Variants in FOXP2 observed in about 807,000 individuals in gnomAD.
The protein encoded by FOXP2 is forkhead box protein P2.
A neutral mutation model predicts 115.8 loss-of-function variants in FOXP2; 12 were observed. The ratio of observed to expected loss-of-function variants is 0.10; its 90% CI spans 0.07 to 0.17. FOXP2 has a LOEUF of 0.17. Among genes scored for constraint, FOXP2 ranks in the 10% least tolerant of loss-of-function variants. The probability of loss-of-function intolerance (pLI) is 1.00; values close to 1 mark genes in which losing one functional copy is unlikely to be tolerated. For missense variants in FOXP2, 629 were observed against 843.5 expected, an observed-to-expected ratio of 0.75 and a Z score of 3.15; for synonymous variants, 328 against 297.7, an observed-to-expected ratio of 1.10 and a Z score of -1.05.
At chr7:114,134,024 T>A (rs1562975449) in intron 1 of FOXP2, among the ~76,000 whole-genome samples, 1 of 152,268 alleles carries the variant, frequency 6.6e-6, no homozygotes, top group Non-Finnish European at 1.5e-5. Context: ...TTGAGAAATA[T>A]GGCAAGTGAG....
chr7:114,150,062 A>G (rs1792490443), intron 1 of FOXP2, among the ~76,000 whole-genome samples: 1 of 152,118 alleles, frequency 6.6e-6, no homozygotes, highest in Non-Finnish European at 1.5e-5. Context: ...AAGATTGACT[A>G]GATATATTAA....
chr7:114,306,272 G>A (rs745873057), intron 2 of FOXP2, among the ~76,000 whole-genome samples: 3 of 152,098 alleles, frequency 2.0e-5, no homozygotes, highest in South Asian at 2.1e-4. Context: ...AGCACAGCAA[G>A]CCACATGAAC....
intron 1 of FOXP2, among the ~76,000 whole-genome samples, chr7:114,102,184 T>C (rs1203716379): frequency 1.3e-5 from 2 of 152,112 alleles, no homozygotes; most frequent in Non-Finnish European, 2.9e-5. Flanking sequence ...TGAAGAATGC[T>C]TGTATAACTC....
intron 3 of FOXP2, among the ~76,000 whole-genome samples, chr7:114,550,112 C>CTTTTTTTTTTTTTTTT (rs941573098): frequency 9.7e-6 from 1 of 103,302 alleles, no homozygotes; most frequent in Non-Finnish European, 2.0e-5. Context: ...CCTTTCTTTT[C>CTTTTTTTTTTTTTTTT]TTTTTTTTTT....
At chr7:114,648,414 A>G (rs1163441367) in intron 8 of FOXP2, among the ~76,000 whole-genome samples, 5 of 152,102 alleles carry the variant, frequency 3.3e-5, no homozygotes, top group Admixed American at 1.3e-4. Context: ...TGCAAGTGAA[A>G]CATTTTGTTA....
At chr7:114,484,882 A>G (rs1281743543) in intron 2 of FOXP2, among the ~76,000 whole-genome samples, 1 of 151,948 alleles carries the variant, frequency 6.6e-6, no homozygotes, top group African/African-American at 2.4e-5. Context: ...TTTTAATTGT[A>G]CAGAATTTTC....
chr7:114,268,329 A>G (rs1795949330), intron 1 of FOXP2, among the ~76,000 whole-genome samples: 1 of 152,196 alleles, frequency 6.6e-6, no homozygotes, highest in African/African-American at 2.4e-5. Flanking sequence ...TTAAAGTCAT[A>G]ATGTGATTAT....
At chr7:114,493,841 T>A (rs1584805419) in intron 2 of FOXP2, among the ~76,000 whole-genome samples, 1 of 152,044 alleles carries the variant, frequency 6.6e-6, no homozygotes, top group East Asian at 1.9e-4. Context: ...GTGGCCTTTT[T>A]TTTTTTTCTT....
intron 1 of FOXP2, among the ~76,000 whole-genome samples, chr7:114,244,402 C>T (rs565186085): frequency 3.3e-5 from 5 of 152,134 alleles, no homozygotes; most frequent in African/African-American, 1.2e-4. Flanking sequence ...CCTTAAGCTC[C>T]TCTTGGATGG....
upstream of FOXP2, among the ~76,000 whole-genome samples, chr7:114,158,968 G>A (rs1269795632): frequency 2.0e-5 from 3 of 152,110 alleles, no homozygotes; most frequent in African/African-American, 7.2e-5. Context: ...TGAAGGATAA[G>A]GGACCAGAAA....
intron 3 of FOXP2, among the ~76,000 whole-genome samples, chr7:114,574,430 A>G (rs534153712): frequency 2.8e-4 from 42 of 151,906 alleles, no homozygotes; most frequent in African/African-American, 9.9e-4. Flanking sequence ...GAAAAAAAAA[A>G]TCTTCACTTA....
At chr7:114,162,927 G>C (rs1430274101), upstream of FOXP2, 1 of 151,998 alleles carries the variant, frequency 6.6e-6, no homozygotes, top group Non-Finnish European at 1.5e-5. Context: ...TTGATTAAAA[G>C]TATAATTTCC....
intron 3 of FOXP2, among the ~76,000 whole-genome samples, chr7:114,579,554 C>T (rs552157732): frequency 6.4e-4 from 98 of 152,166 alleles, no homozygotes; most frequent in African/African-American, 2.1e-3. Context: ...TACCATATTC[C>T]ATTTTTTTTT....
At chr7:114,285,089 T>A in intron 1 of FOXP2, among the ~76,000 whole-genome samples, 1 of 152,076 alleles carries the variant, frequency 6.6e-6, no homozygotes, top group East Asian at 1.9e-4. Flanking sequence ...CTAGGCTCAA[T>A]ACCTGCATGA....
intron 15 of FOXP2, 105 bp downstream of exon 15, chr7:114,663,624 G>A: frequency 1.1e-6 from 1 of 885,574 alleles, no homozygotes; most frequent in Non-Finnish European, 1.8e-6. Context: ...CTTAATAGTT[G>A]GTTTATCATC....
chr7:114,236,667 A>G (rs1157431170), intron 1 of FOXP2, among the ~76,000 whole-genome samples: 1 of 152,230 alleles, frequency 6.6e-6, no homozygotes, highest in Admixed American at 6.5e-5. Context: ...TACTTTACAT[A>G]CACATTTACA....
At chr7:114,161,351 G>C (rs1046572189), upstream of FOXP2, among the ~76,000 whole-genome samples, 1 of 152,060 alleles carries the variant, frequency 6.6e-6, no homozygotes, top group Non-Finnish European at 1.5e-5. Flanking sequence ...GATATTCTAG[G>C]TAAATAATTG....
intron 1 of FOXP2, among the ~76,000 whole-genome samples, chr7:114,132,573 GT>G (rs1791913838): frequency 7.3e-6 from 1 of 137,106 alleles, no homozygotes; most frequent in Non-Finnish European, 1.6e-5. Context: ...GTGTGTGTGT[GT>G]GTGTGTGTGA....
intron 1 of FOXP2, among the ~76,000 whole-genome samples, chr7:114,095,024 G>A (rs189208516): frequency 7.0e-4 from 107 of 152,170 alleles, no homozygotes; most frequent in African/African-American, 2.4e-3. Flanking sequence ...TACATTAAAG[G>A]ACATGTATGA....
Sources: allele counts gnomAD v4.1 joint callset (sites outside exome capture counted in the v4.1 genomes callset), GRCh38; gene constraint gnomAD v4.1.1; transcripts MANE v1.5; gene names NCBI Gene and HGNC (gene_info 2026-07-23, HGNC 2026-07-21).